Variants in PCLO observed in about 807,000 individuals in gnomAD.
PCLO encodes protein piccolo.
In PCLO, 82 loss-of-function variants were observed where a neutral mutation model predicts 427.5. That is an observed-to-expected ratio of 0.19 (90% confidence interval 0.16 to 0.23). The LOEUF (loss-of-function observed/expected upper bound fraction) is 0.23, where lower values mean the gene tolerates loss of function less well. PCLO is among the 10% of genes least tolerant of loss of function. The pLI is 1.00. For synonymous variants in PCLO, 2,357 were observed against 2,155.4 expected (o/e 1.09, Z -2.59); for missense variants, 6,239 against 6,115.9 (o/e 1.02, Z -0.67).
chr7:82,794,679 G>C (rs1791189247), intron 22 of PCLO, among the ~76,000 whole-genome samples: 1 of 151,212 alleles, frequency 6.6e-6, no homozygotes, highest in Non-Finnish European at 1.5e-5. Context: ...ATGCCATGTT[G>C]CCCAGGTTGG....
At chr7:82,905,480 A>G (rs576932569) in intron 8 of PCLO, among the ~76,000 whole-genome samples, 1 of 152,114 alleles carries the variant, frequency 6.6e-6, no homozygotes, top group African/African-American at 2.4e-5. Flanking sequence ...TGCATATATA[A>G]CATGGTAGTT....
At chr7:83,136,189 T>G (rs1250038251) in intron 2 of PCLO, among the ~76,000 whole-genome samples, 1 of 152,128 alleles carries the variant, frequency 6.6e-6, no homozygotes. Context: ...TATAGTTTTG[T>G]GTTTCTTCTA....
chr7:83,053,205 C>G (rs562677052), intron 3 of PCLO, among the ~76,000 whole-genome samples: 1 of 151,942 alleles, frequency 6.6e-6, no homozygotes, highest in Admixed American at 6.6e-5. Flanking sequence ...CTTTTTTCAT[C>G]TAGACAATTC....
At chr7:82,821,072 T>C (rs934074730) in intron 20 of PCLO, 6 of 1,118,012 alleles carry the variant, frequency 5.4e-6, no homozygotes, top group Non-Finnish European at 6.5e-6. Context: ...AATTTGGGGA[T>C]GTTCTTGCTG....
chr7:82,754,433 G>A lies in PCLO; in HGVS notation c.*4142C>T, dbSNP rs1041300219. ...TTCTTAAACCTCATATGTGTTTTTA[G>A]GATATTAGCACACACATTAATCAGT... On this transcript the variant is annotated 3_prime_UTR_variant, in exon 25 of 25. Coordinates refer to ENST00000333891, the MANE Select transcript of PCLO (RefSeq NM_033026.6). 1 of 151,958 alleles carries A rather than the reference G, an allele frequency of 6.6e-6. No individual in the cohort carries two copies. The highest frequency in any genetic ancestry group is 1.5e-5 in the Non-Finnish European group (1 of 67,940). The allele number at this position is 151,958 out of a possible 1,614,324, so 9.4% of individuals were successfully genotyped here.
intron 7 of PCLO, among the ~76,000 whole-genome samples, chr7:82,912,272 T>C (rs1364074859): frequency 2.0e-5 from 3 of 151,890 alleles, no homozygotes; most frequent in Admixed American, 6.6e-5. Context: ...GTAGGAATTA[T>C]TGATTGGAAA....
At chr7:83,040,966 G>GAATTTTAAAAGGAT (rs1243144523) in intron 3 of PCLO, among the ~76,000 whole-genome samples, 1 of 152,072 alleles carries the variant, frequency 6.6e-6, no homozygotes, top group African/African-American at 2.4e-5. Flanking sequence ...GGATAATTGT[G>GAATTTTAAAAGGAT]AATAGTTTTT....
In PCLO at chr7:83,162,350, C is replaced by T. The variant is rs1201050019; in HGVS notation, c.243G>A (p.Met81Ile). ...ATACATCATGCTGTGCATGCCTGTG[C>T]ATGGAAGGCGACTCCGCAGCGGCCG... ...VPPAAAESPS[M>I]HRKQELDSSH... The change falls in exon 1 of 25, where the codon ATG becomes ATA. Residue 81 changes from methionine to isoleucine, a missense_variant. By Grantham distance (10) the Met-to-Ile change is conservative. Around this residue, in one of 5 missense-constraint regions of PCLO, gnomAD observed 4,677 missense variants for 4,468.4 expected, o/e 1.05. Coordinates refer to ENST00000333891, the MANE Select transcript of PCLO (RefSeq NM_033026.6). 6.3e-7 allele frequency: 1 copy of T among 1,598,826 alleles called. No homozygotes were observed.
rs185199447 is a variant in PCLO at position 83,093,143 on chromosome 7, T to C, written c.3300+41107A>G. 2.2e-3 allele frequency among the ~76,000 whole-genome samples: 339 copies of C among 152,002 alleles called. 2 individuals are homozygous for C. Among genetic ancestry groups the C allele is most frequent in the African/African-American group, 7.4e-3 (306 of 41,486 alleles). On this transcript the variant is annotated intron_variant, in intron 3 of 24. Coordinates refer to ENST00000333891, the MANE Select transcript of PCLO (RefSeq NM_033026.6). ...GTCTTCTTTAAATCTTCAATTGCAATTGAAATGCAGAAAAATATTATTTCA... is the reference window on the plus strand; with the variant it reads ...GTCTTCTTTAAATCTTCAATTGCAACTGAAATGCAGAAAAATATTATTTCA...
In PCLO at chr7:82,902,633, TTA is replaced by T; in HGVS notation, c.13528+16_13528+17del. The T allele has an allele frequency of 7.2e-7, 1 of 1,392,246 alleles. No homozygotes were observed. Among genetic ancestry groups the T allele is most frequent in the Non-Finnish European group, 1.0e-6 (1 of 990,252 alleles). 86.2% of individuals were successfully genotyped at this position (1,392,246 alleles called of 1,614,324 possible). A position where few individuals can be genotyped will look rare whatever the true frequency, so the allele number is the denominator to read the frequency against. The stretch of plus-strand genomic sequence containing the variant: ...ACAAAAAAACAAAAAAAATATTAGA[TTA>T]TATGATTTGCTTTACCTGAAACTGT... On this transcript the variant is annotated intron_variant, in intron 9 of 24. Coordinates refer to ENST00000333891, the MANE Select transcript of PCLO (RefSeq NM_033026.6).
chr7:83,129,268 T>G (rs1407429542), intron 3 of PCLO, among the ~76,000 whole-genome samples: 1 of 152,154 alleles, frequency 6.6e-6, no homozygotes, highest in African/African-American at 2.4e-5. Context: ...CAAGTCAAAA[T>G]AGCTGCCCTA....
intron 6 of PCLO, among the ~76,000 whole-genome samples, chr7:82,945,817 C>T (rs1262670001): frequency 6.6e-6 from 1 of 151,882 alleles, no homozygotes; most frequent in African/African-American, 2.4e-5. Flanking sequence ...ACGTATAAAC[C>T]TAATTGATGG....
At chr7:83,127,001 C>G (rs1444019021) in intron 3 of PCLO, among the ~76,000 whole-genome samples, 1 of 151,778 alleles carries the variant, frequency 6.6e-6, no homozygotes, top group Non-Finnish European at 1.5e-5. Context: ...ACCCATTTAC[C>G]TGAATACATC....
At chr7:83,151,832 A>G (rs1281326065) in intron 2 of PCLO, among the ~76,000 whole-genome samples, 3 of 152,186 alleles carry the variant, frequency 2.0e-5, no homozygotes, top group Non-Finnish European at 4.4e-5. Context: ...CCTCACAACT[A>G]AACTAACTAT....
rs1387269483 is a variant in PCLO, at chr7:83,135,451, G to A, written c.2099C>T (p.Pro700Leu). The change falls in exon 3 of 25, where the codon CCT becomes CTT. Residue 700 changes from proline (P) to leucine (L), a missense_variant. Physicochemically the swap from Pro to Leu is moderately conservative, Grantham distance 98. Coordinates refer to ENST00000333891, the MANE Select transcript of PCLO (RefSeq NM_033026.6). ...TTTCACTAGTGGTGGTGGCTTTTTA[G>A]GCTCAGGTGCCTTGGAGAGATCCTG... The part of the protein sequence containing the change: ...PKQDLSKAPE[P>L]KKPPPLVKQP... 5 of 1,613,668 alleles carry A rather than the reference G, an allele frequency of 3.1e-6. No individual in the cohort carries two copies. In the South Asian group the frequency reaches 5.5e-5, roughly 18 times the overall value.
At chr7:83,079,357 A>G (rs2116390498) in intron 3 of PCLO, among the ~76,000 whole-genome samples, 1 of 152,260 alleles carries the variant, frequency 6.6e-6, no homozygotes, top group South Asian at 2.1e-4. Flanking sequence ...TGAAATAAAA[A>G]TAGAAGTAGT....
At chr7:83,080,643 T>C (rs1000952319) in intron 3 of PCLO, among the ~76,000 whole-genome samples, 2 of 152,132 alleles carry the variant, frequency 1.3e-5, no homozygotes, top group Admixed American at 1.3e-4. Flanking sequence ...AATTCTTACT[T>C]TTATGCCAGT....
Position 82,835,661 on chromosome 7 carries a change from C to G in PCLO, c.14249+6G>C. 2 of 1,608,320 alleles carry G rather than the reference C, an allele frequency of 1.2e-6. No individual in the cohort carries two copies. The highest frequency in any genetic ancestry group is 2.2e-5 in the South Asian group (2 of 89,728). On this transcript the variant is annotated splice_donor_region_variant and intron_variant, in intron 16 of 24. Coordinates refer to ENST00000333891, the MANE Select transcript of PCLO (RefSeq NM_033026.6). ...GAGCTTGACACTGAAAGAGAAACAA[C>G]TCTACCTTGCATTCTGGACAACCAT...
intron 6 of PCLO, among the ~76,000 whole-genome samples, chr7:82,928,120 A>G (rs964988768): frequency 1.5e-4 from 23 of 152,212 alleles, no homozygotes; most frequent in African/African-American, 5.3e-4. Context: ...AAAAACATAT[A>G]CAATTTATAA....
Sources: gnomAD v4.1 joint callset for allele counts (sites outside exome capture counted in the v4.1 genomes callset) on GRCh38, gnomAD v4.1.1 for gene constraint, gnomAD v4.1.1 regional missense constraint, MANE v1.5 for transcripts, NCBI Gene and HGNC (gene_info 2026-07-23, HGNC 2026-07-21) for gene names.